Variants in TMEM255A observed in about 807,000 individuals in gnomAD.
TMEM255A encodes transmembrane protein 255A.
Under a neutral mutation model 23.5 loss-of-function variants are expected in TMEM255A, and 14 were observed. That is an observed-to-expected ratio of 0.60 (90% CI 0.39 to 0.93). The LOEUF (loss-of-function observed/expected upper bound fraction) is 0.93, where lower values mean the gene tolerates loss of function less well. TMEM255A is among the 40% of genes least tolerant of loss of function. The pLI, the probability that TMEM255A is intolerant of heterozygous loss-of-function variation, is 0.00. For missense variants in TMEM255A, 233 were observed against 261.7 expected (o/e 0.89, Z 0.76); for synonymous variants, 104 against 100.3 (o/e 1.04, Z -0.22).
chrX:120,293,937 T>C lies in TMEM255A; in HGVS notation c.264+52A>G, dbSNP rs2057934596. ...GAAATGTGTTACTTATCCACATAAA[T>C]GTTGTGCTTTTTTAGAGGAAGAACT... is the stretch of plus-strand genomic sequence containing the variant. On this transcript the variant is annotated intron_variant, in intron 3 of 8. Transcript: ENST00000371369. 4 of 906,446 alleles carry C rather than the reference T, an allele frequency of 4.4e-6. No homozygotes were observed. The African/African-American group carries it at 5.9e-5, about 13-fold the overall frequency. The allele number at this position is 906,446 out of a possible 1,213,427, so 74.7% of individuals were successfully genotyped here. A position where few individuals can be genotyped will look rare whatever the true frequency, so the allele number is the denominator to read the frequency against.
chrX:120,285,535 G>A, intron 5 of TMEM255A: 1 of 1,133,807 alleles, frequency 8.8e-7, no homozygotes, highest in Middle Eastern at 2.8e-4. Flanking sequence ...AGAATATGAG[G>A]GCAGGCAAAA....
intron 2 of TMEM255A, among the ~76,000 whole-genome samples, chrX:120,302,503 C>T (rs1481060643): frequency 1.1e-4 from 11 of 103,800 alleles, no homozygotes; most frequent in African/African-American, 3.2e-4. Context: ...ACCCACCCCC[C>T]GACCCCCCAC....
chrX:120,279,998 C>CTTTTTTTTTTTTTTTTTT (rs59428362), intron 6 of TMEM255A, among the ~76,000 whole-genome samples: 5 of 38,225 alleles, frequency 1.3e-4, no homozygotes, highest in Non-Finnish European at 2.1e-4. Context: ...CCTTTTCTTT[C>CTTTTTTTTTTTTTTTTTT]TTTTTTTTTT....
chrX:120,280,313 C>T (rs1341217348), intron 6 of TMEM255A, among the ~76,000 whole-genome samples: 1 of 110,619 alleles, frequency 9.0e-6, no homozygotes, highest in Non-Finnish European at 1.9e-5. Flanking sequence ...ACTTTGTAGG[C>T]ACAAACCGCA....
intron 2 of TMEM255A, among the ~76,000 whole-genome samples, chrX:120,295,787 G>A (rs2057950107): frequency 8.9e-6 from 1 of 111,879 alleles, no homozygotes; most frequent in Non-Finnish European, 1.9e-5. Context: ...TAGGGCTTTT[G>A]TGAGAATTAA....
At chrX:120,290,356 G>C (rs550787606) in intron 4 of TMEM255A, among the ~76,000 whole-genome samples, 28 of 111,579 alleles carry the variant, frequency 2.5e-4, no homozygotes, top group Middle Eastern at 9.3e-3. Context: ...TGTCAAATGG[G>C]GATAATAATG....
At position 120,276,937 on chromosome X, in the gene TMEM255A, C is replaced by A. The variant is rs1487721065; in HGVS notation, c.623G>T (p.Gly208Val). The A allele has an allele frequency of 2.5e-6, 3 of 1,210,015 alleles. No individual in the cohort carries two copies. Among genetic ancestry groups the A allele is most frequent in the African/African-American group, 3.5e-5 (2 of 57,209 alleles). ...LWSATILNIV[G>V]LFLGIITAAV... is the part of the protein sequence containing the mutation. Reference sequence around the variant, plus strand: ...GGCAGTGATGATGCCCAGGAACAGGCCAACAATGTTGAGGATGGTGGCAGA... The same window carrying A: ...GGCAGTGATGATGCCCAGGAACAGGACAACAATGTTGAGGATGGTGGCAGA... Residue 208 changes from glycine to valine, a missense_variant, in exon 7 of 9, where the codon GGC becomes GTC. Physicochemically the swap from Gly to Val is moderately radical, Grantham distance 109 (BLOSUM62 -3). Coordinates refer to ENST00000371369, the MANE Select transcript of TMEM255A (RefSeq NM_001104544.3).
intron 6 of TMEM255A, among the ~76,000 whole-genome samples, chrX:120,278,330 G>A (rs1306951342): frequency 8.9e-6 from 1 of 112,125 alleles, no homozygotes; most frequent in Non-Finnish European, 1.9e-5. Context: ...AAGCCACCTG[G>A]TCTATGGTAT....
chrX:120,272,081 G>T (rs1289708959), intron 7 of TMEM255A, among the ~76,000 whole-genome samples: 2 of 112,278 alleles, frequency 1.8e-5, no homozygotes, highest in Non-Finnish European at 3.8e-5. Context: ...GCTATAGCAG[G>T]GGAGTGGAGG....
At position 120,311,379 on chromosome X, in the gene TMEM255A, G is replaced by C. The variant is rs1310558867; in HGVS notation, c.-70C>G. ...CGCCCCCGGCTCTGGGCGCCCCGCA[G>C]AGCATCCTACTCCGCGGTTGCCTCT... On this transcript the variant is annotated 5_prime_UTR_variant, in exon 1 of 9. Coordinates refer to ENST00000371369, the MANE Select transcript of TMEM255A (RefSeq NM_001104544.3). The C allele has an allele frequency of 6.4e-6, 6 of 937,931 alleles. No individual in the cohort carries two copies. The East Asian group carries it at 1.7e-4, about 26-fold the overall frequency. The allele number at this position is 937,931 out of a possible 1,213,427, so 77.3% of individuals were successfully genotyped here.
At chrX:120,280,536 C>A in intron 6 of TMEM255A, among the ~76,000 whole-genome samples, 1 of 109,717 alleles carries the variant, frequency 9.1e-6, no homozygotes, top group Non-Finnish European at 1.9e-5. Flanking sequence ...TTGGTTCAGT[C>A]TCTGGGCAGA....
intron 5 of TMEM255A, 142 bp from the exon 6 acceptor site, chrX:120,285,357 C>A: frequency 3.1e-6 from 2 of 643,909 alleles, no homozygotes; most frequent in Non-Finnish European, 2.5e-6. Context: ...AAGGATGGGG[C>A]TGGATGGGGA....
chrX:120,291,461 A>C, intron 3 of TMEM255A, 121 bp from the exon 4 acceptor site: 1 of 569,397 alleles, frequency 1.8e-6, no homozygotes, highest in Non-Finnish European at 2.8e-6. Context: ...CCCCATGGGA[A>C]TGCTCTTTTT....
At position 120,276,872 on chromosome X, in the gene TMEM255A, A is replaced by G. The variant is rs782339870; in HGVS notation, c.675+13T>C. 3 of 1,207,018 alleles carry G rather than the reference A, an allele frequency of 2.5e-6. No homozygotes were observed. Among genetic ancestry groups the G allele is most frequent in the East Asian group, 5.9e-5 (2 of 33,626 alleles). On this transcript the variant is annotated intron_variant, in intron 7 of 8. Transcript: ENST00000371369. ...GGGGCCACTGTGAAATGCAAAGTCA[A>G]TTCTTTCCTTACCATGTCCTTAAAG...
intron 1 of TMEM255A, among the ~76,000 whole-genome samples, chrX:120,305,204 C>G (rs1302243028): frequency 9.0e-6 from 1 of 111,613 alleles, no homozygotes; most frequent in African/African-American, 3.3e-5. Flanking sequence ...TGATGAGAAA[C>G]CCATTCTCCC....
chrX:120,306,055 T>C (rs1229211683), intron 1 of TMEM255A, among the ~76,000 whole-genome samples: 1 of 111,865 alleles, frequency 8.9e-6, no homozygotes, highest in Admixed American at 9.5e-5. Context: ...GCATCTACAA[T>C]GCTAAAGCAC....
downstream of TMEM255A, chrX:120,255,640 T>C (rs2057633282): frequency 2.9e-5 from 11 of 385,095 alleles, no homozygotes; most frequent in South Asian, 6.9e-4. Context: ...CAAGTATCTG[T>C]TTATATAGTT....
intron 2 of TMEM255A, among the ~76,000 whole-genome samples, chrX:120,294,855 A>G (rs2057943735): frequency 8.9e-6 from 1 of 111,922 alleles, no homozygotes; most frequent in South Asian, 3.7e-4. Context: ...CTTAACCCAC[A>G]CTAAAAAATT....
intron 7 of TMEM255A, among the ~76,000 whole-genome samples, chrX:120,270,366 C>A (rs943239975): frequency 9.3e-6 from 1 of 107,774 alleles, no homozygotes; most frequent in South Asian, 4.3e-4. Context: ...CCCGCCCTGC[C>A]CCCCCATTAT....
Sources: gnomAD v4.1 joint callset for allele counts (sites outside exome capture counted in the v4.1 genomes callset) on GRCh38, gnomAD v4.1.1 for gene constraint, MANE v1.5 for transcripts, NCBI Gene and HGNC (gene_info 2026-07-23, HGNC 2026-07-21) for gene names.